The following SUSD3 variants were observed in gnomAD, a reference collection of about 807,000 sequenced individuals.
SUSD3 encodes the protein sushi domain containing 3.
In SUSD3, 18 loss-of-function variants were observed where a neutral mutation model predicts 20.6. The ratio of observed to expected loss-of-function variants is 0.87; its 90% CI spans 0.60 to 1.30. SUSD3 has a LOEUF of 1.30. SUSD3 is among the 50% of genes most tolerant of loss of function. The pLI, the probability that SUSD3 is intolerant of heterozygous loss-of-function variation, is 0.00. For synonymous variants in SUSD3, 137 were observed against 141.5 expected, an observed-to-expected ratio of 0.97 and a Z score of 0.23; for missense variants, 306 against 346.9, an observed-to-expected ratio of 0.88 and a Z score of 0.94.
At position 93,084,930 on chromosome 9, in the gene SUSD3, TGGGGAGTGTTCTGTTCC is replaced by T; in HGVS notation, c.*186_*202del. ...TGACATCCAAGGCTGAGGACCCCAG[TGGGGAGTGTTCTGTTCC>T]GGCATATCCTGGCCGTAACGATTTT... On this transcript the variant is annotated 3_prime_UTR_variant, in exon 5 of 5. Coordinates refer to ENST00000375472, the MANE Select transcript of SUSD3 (RefSeq NM_145006.4). The T allele has an allele frequency of 1.9e-6, 1 of 522,612 alleles. No individual in the cohort carries two copies. The highest frequency in any genetic ancestry group is 3.2e-6 in the Non-Finnish European group (1 of 309,328). 32.4% of individuals were successfully genotyped at this position (522,612 alleles called of 1,614,324 possible). A position where few individuals can be genotyped will look rare whatever the true frequency, so the allele number is the denominator to read the frequency against.
chr9:93,061,597 G>C (rs1218565995), intron 1 of SUSD3, among the ~76,000 whole-genome samples: 1 of 152,252 alleles, frequency 6.6e-6, no homozygotes, highest in African/African-American at 2.4e-5. Context: ...CCCTCCATGT[G>C]GAGATGGGCT....
intron 1 of SUSD3, 49 bp from the exon 2 acceptor site, chr9:93,075,735 T>TCCCCCCCCCCCCC: frequency 8.1e-6 from 2 of 247,424 alleles, no homozygotes; most frequent in South Asian, 2.3e-5. Flanking sequence ...CTGCCCTGCG[T>TCCCCCCCCCCCCC]GCCCACCCCC....
At chr9:93,061,438 G>A (rs189702005) in intron 1 of SUSD3, among the ~76,000 whole-genome samples, 5 of 152,390 alleles carry the variant, frequency 3.3e-5, no homozygotes, top group Admixed American at 3.3e-4. Context: ...CGGACCCTCG[G>A]TTTTCCACCA....
At chr9:93,083,283 T>C (rs2119015506) in intron 4 of SUSD3, among the ~76,000 whole-genome samples, 1 of 152,202 alleles carries the variant, frequency 6.6e-6, no homozygotes, top group East Asian at 1.9e-4. Context: ...TCATGGGGAC[T>C]CAGAGAAGGC....
intron 1 of SUSD3, among the ~76,000 whole-genome samples, chr9:93,070,816 G>T (rs560126161): frequency 2.0e-4 from 31 of 152,344 alleles, no homozygotes; most frequent in Non-Finnish European, 5.9e-5. Flanking sequence ...GTTCGTTTCT[G>T]TACTGTCACC....
At chr9:93,082,953 G>A (rs935697517) in intron 4 of SUSD3, among the ~76,000 whole-genome samples, 4 of 152,312 alleles carry the variant, frequency 2.6e-5, no homozygotes, top group African/African-American at 7.2e-5. Context: ...TGGTCCCAGC[G>A]CCACAGACCC....
At chr9:93,078,860 C>T (rs909284772) in intron 3 of SUSD3, among the ~76,000 whole-genome samples, 1 of 151,424 alleles carries the variant, frequency 6.6e-6, no homozygotes, top group African/African-American at 2.4e-5. Context: ...AGTGCAGTGG[C>T]TCCATCTCAG....
At chr9:93,079,366 C>G (rs1416214379) in intron 3 of SUSD3, 105 bp from the exon 4 acceptor site, 2 of 1,307,672 alleles carry the variant, frequency 1.5e-6, no homozygotes, top group Non-Finnish European at 1.1e-6. Flanking sequence ...TGCCAGCCTG[C>G]ACTGGTCCTG....
chr9:93,070,166 G>T (rs961962495), intron 1 of SUSD3, among the ~76,000 whole-genome samples: 14 of 152,182 alleles, frequency 9.2e-5, no homozygotes, highest in African/African-American at 3.1e-4. Flanking sequence ...TTTATGTAGA[G>T]AAGATACAAA....
intron 1 of SUSD3, among the ~76,000 whole-genome samples, chr9:93,061,931 G>C (rs1202266444): frequency 6.6e-6 from 1 of 152,230 alleles, no homozygotes; most frequent in Admixed American, 6.5e-5. Context: ...AGGGAACATA[G>C]TTACTTAATC....
At chr9:93,072,590 T>A (rs1417819424) in intron 1 of SUSD3, among the ~76,000 whole-genome samples, 1 of 152,174 alleles carries the variant, frequency 6.6e-6, no homozygotes, top group Non-Finnish European at 1.5e-5. Context: ...GAGCCTCAGT[T>A]TCCCCCCAGA....
chr9:93,077,107 AC>A (rs924905750), intron 2 of SUSD3, among the ~76,000 whole-genome samples: 4 of 152,204 alleles, frequency 2.6e-5, no homozygotes, highest in Admixed American at 2.6e-4. Context: ...GGGGGAGTAA[AC>A]GGTGTTGCTC....
At position 93,075,836 on chromosome 9, in the gene SUSD3, T is replaced by A; in HGVS notation, c.141T>A (p.Arg47=). 6.3e-7 allele frequency: 1 copy of A among 1,591,330 alleles called. No individual in the cohort carries two copies. ...LPPQATFQVL[R]GNGASVGTVL... ...CGCAAGCAACCTTCCAAGTCCTTCGTGGCAATGGTGCTTCCGTGGGGACCG... is the reference window on the plus strand; with the variant it reads ...CGCAAGCAACCTTCCAAGTCCTTCGAGGCAATGGTGCTTCCGTGGGGACCG... The change falls in exon 2 of 5, where the codon CGT becomes CGA. Residue 47 remains arginine, a synonymous_variant. Coordinates refer to ENST00000375472, the MANE Select transcript of SUSD3 (RefSeq NM_145006.4).
intron 1 of SUSD3, among the ~76,000 whole-genome samples, chr9:93,060,662 A>G (rs1438109676): frequency 2.0e-5 from 3 of 151,976 alleles, no homozygotes; most frequent in Non-Finnish European, 4.4e-5. Context: ...AAGACCCCGT[A>G]TCTACAAAAA....
At chr9:93,070,623 CAT>C (rs1825875379) in intron 1 of SUSD3, among the ~76,000 whole-genome samples, 1 of 152,248 alleles carries the variant, frequency 6.6e-6, no homozygotes, top group Non-Finnish European at 1.5e-5. Context: ...CTCCTGCCCT[CAT>C]GTGTACCAGG....
intron 1 of SUSD3, among the ~76,000 whole-genome samples, chr9:93,059,105 CG>C (rs1171374234): frequency 6.6e-6 from 1 of 152,152 alleles, no homozygotes; most frequent in Admixed American, 6.5e-5. Context: ...CGGGCGTCTG[CG>C]GACAGCGCGG....
intron 1 of SUSD3, among the ~76,000 whole-genome samples, chr9:93,059,893 G>C (rs1198710225): frequency 2.0e-5 from 3 of 152,234 alleles, no homozygotes; most frequent in African/African-American, 7.2e-5. Context: ...GGTTTATTTA[G>C]TTTGACTCTG....
chr9:93,071,731 C>T (rs565752857), intron 1 of SUSD3, among the ~76,000 whole-genome samples: 1 of 152,316 alleles, frequency 6.6e-6, no homozygotes, highest in East Asian at 1.9e-4. Flanking sequence ...CCTCATTGGC[C>T]AGGTTCAGTC....
intron 1 of SUSD3, among the ~76,000 whole-genome samples, chr9:93,062,265 CT>C (rs1825538177): frequency 6.6e-6 from 1 of 152,240 alleles, no homozygotes; most frequent in Admixed American, 6.5e-5. Flanking sequence ...CCACCTGCCC[CT>C]GAGCCGTGGG....
Sources: gnomAD v4.1 joint callset for allele counts (sites outside exome capture counted in the v4.1 genomes callset) on GRCh38, gnomAD v4.1.1 for gene constraint, MANE v1.5 for transcripts, NCBI Gene and HGNC (gene_info 2026-07-23, HGNC 2026-07-21) for gene names.